The following ZNF775 variants were observed in gnomAD, a reference collection of about 807,000 sequenced individuals.
ZNF775 encodes zinc finger protein 775.
A neutral mutation model predicts 2.4 loss-of-function variants in ZNF775; 1 was observed. That is an observed-to-expected ratio of 0.41 (90% CI 0.15 to 1.94). The LOEUF is 1.94. Ranked by LOEUF, ZNF775 falls within the 30% of genes most tolerant of loss-of-function variation. ZNF775 has a pLI of 0.30. For missense variants in ZNF775, 823 were observed against 826.6 expected (o/e 1.00, Z 0.05); for synonymous variants, 381 against 373.3 (o/e 1.02, Z -0.24).
At chr7:150,392,869 G>A (rs1800583812) in intron 2 of ZNF775, among the ~76,000 whole-genome samples, 1 of 152,174 alleles carries the variant, frequency 6.6e-6, no homozygotes, top group Non-Finnish European at 1.5e-5. Context: ...TAGCTTTACA[G>A]AAAAATTGTG....
At chr7:150,387,010 G>A (rs559167022) in intron 1 of ZNF775, among the ~76,000 whole-genome samples, 2 of 152,092 alleles carry the variant, frequency 1.3e-5, no homozygotes, top group Non-Finnish European at 2.9e-5. Flanking sequence ...AAATAGGAGC[G>A]CCAGGGGCCA....
chr7:150,395,976 C>A (rs773380741), intron 2 of ZNF775, among the ~76,000 whole-genome samples: 55 of 152,138 alleles, frequency 3.6e-4, no homozygotes, highest in Non-Finnish European at 5.9e-4. Context: ...ATAGACGGTG[C>A]TGCAGTGACC....
In ZNF775 at chr7:150,396,814, C is replaced by T. The variant is rs754587438; in HGVS notation, c.333C>T (p.Asp111=). ...SSGEGHFVCL[D]CGKRFSWWSS... ...GCGAGGGTCACTTTGTATGCCTGGA[C>T]TGCGGGAAGAGGTTCAGCTGGTGGT... The change falls in exon 3 of 3, where the codon GAC becomes GAT. Residue 111 remains aspartate, a synonymous_variant. Coordinates refer to ENST00000329630, the MANE Select transcript of ZNF775 (RefSeq NM_173680.4). 86 of 1,600,750 alleles carry T rather than the reference C, an allele frequency of 5.4e-5. No individual in the cohort carries two copies. Among genetic ancestry groups the T allele is most frequent in the Non-Finnish European group, 7.1e-5 (84 of 1,177,058 alleles).
At chr7:150,389,578 CT>C (rs1563258301) in intron 2 of ZNF775, among the ~76,000 whole-genome samples, 1 of 152,200 alleles carries the variant, frequency 6.6e-6, no homozygotes, top group Non-Finnish European at 1.5e-5. Flanking sequence ...ATAGAAGGCC[CT>C]TTCCCCAGAT....
Position 150,388,280 on chromosome 7 carries a change from C to T in ZNF775, c.-49-142C>T, listed in dbSNP as rs1800489938. 9.6e-6 allele frequency: 6 copies of T among 623,734 alleles called. No homozygotes were observed. The East Asian group carries it at 1.7e-4, about 17-fold the overall frequency. The allele number at this position is 623,734 out of a possible 1,614,324, so 38.6% of individuals were successfully genotyped here. Reference sequence around the variant, plus strand: ...AGGTATGCTTACAATGAAAGAACCCCTGCCCATGTCGAATGTGGCTATGGA... The same window carrying T: ...AGGTATGCTTACAATGAAAGAACCCTTGCCCATGTCGAATGTGGCTATGGA... On this transcript the variant is annotated intron_variant, in intron 1 of 2. Transcript: ENST00000329630.
Position 150,397,327 on chromosome 7 carries a change from C to T in ZNF775, c.846C>T (p.Ile282=), listed in dbSNP as rs749786405. 1.9e-6 allele frequency: 3 copies of T among 1,591,116 alleles called. No homozygotes were observed. The highest frequency in any genetic ancestry group is 2.6e-6 in the Non-Finnish European group (3 of 1,172,762). ...GGCCGGGCGAGCCGCGCCAGTTCAT[C>T]TGCAACGAGTGTGGCAAGAGCTTCA... ...PEGPGEPRQF[I]CNECGKSFTW... is the part of the protein sequence containing the mutation. The change falls in exon 3 of 3, where the codon ATC becomes ATT. Residue 282 remains isoleucine, a synonymous_variant. Transcript: ENST00000329630.
Position 150,398,483 on chromosome 7 carries a change from C to CG in ZNF775, c.*393dup, listed in dbSNP as rs1346650212. 3.3e-5 allele frequency: 7 copies of CG among 211,860 alleles called. No homozygotes were observed. The East Asian group carries it at 8.0e-4, about 24-fold the overall frequency. 13.1% of individuals were successfully genotyped at this position (211,860 alleles called of 1,614,324 possible). ...GGTCCTGCCCACGCTTCAGGATGGC[C>CG]GGGGGCTGCCCCTGTGGGAGAGTTG... On this transcript the variant is annotated 3_prime_UTR_variant, in exon 3 of 3. Coordinates refer to ENST00000329630, the MANE Select transcript of ZNF775 (RefSeq NM_173680.4).
rs536623472 is a variant in ZNF775 at position 150,386,172 on chromosome 7, G to C, written c.-49-2250G>C. ...GCTTGTCTCAAACTCCTGACCTCAG[G>C]TGATCTACCCACCTCAGCCTTCCAA... On this transcript the variant is annotated intron_variant, in intron 1 of 2. Coordinates refer to ENST00000329630, the MANE Select transcript of ZNF775 (RefSeq NM_173680.4). Among the ~76,000 whole-genome samples the C allele has an allele frequency of 5.9e-5, 9 of 152,254 alleles. No homozygotes were observed. In the South Asian group the frequency reaches 1.9e-3, roughly 32 times the overall value.
chr7:150,382,990 C>T lies in ZNF775; in HGVS notation c.-50+3598C>T, dbSNP rs1037536683. Among the ~76,000 whole-genome samples, 4 of 152,114 alleles carry T rather than the reference C, an allele frequency of 2.6e-5. No individual in the cohort carries two copies. The highest frequency in any genetic ancestry group is 4.4e-5 in the Non-Finnish European group (3 of 68,006). On this transcript the variant is annotated intron_variant, in intron 1 of 2. Transcript: ENST00000329630. This position sits in a 1 kb window ranked among gnomAD's most constrained non-coding sequence, Gnocchi z 4.6. ...CGTGCTGCCCTGGTTCACAGTGGCA[C>T]GTTTGTGTGTCTGTGGATCTGTAGG... is the stretch of plus-strand genomic sequence containing the variant.
Position 150,397,061 on chromosome 7 carries a change from C to T in ZNF775, c.580C>T (p.Pro194Ser), listed in dbSNP as rs544005184. Residue 194 changes from proline (P) to serine (S), a missense_variant, in exon 3 of 3, where the codon CCC becomes TCC. Transcript: ENST00000329630. ...THSRPATHSC[P>S]ECERCFRHQV... ...CTCCCGGCCCGCCACCCACTCGTGC[C>T]CCGAGTGCGAGCGCTGCTTCCGTCA... The T allele has an allele frequency of 3.4e-5, 54 of 1,593,334 alleles. No individual in the cohort carries two copies. In the East Asian group the frequency reaches 9.9e-4, roughly 29 times the overall value.
intron 1 of ZNF775, among the ~76,000 whole-genome samples, chr7:150,387,622 G>C (rs886130320): frequency 2.4e-4 from 36 of 152,146 alleles, no homozygotes; most frequent in African/African-American, 8.2e-4. Flanking sequence ...GACCATCCTG[G>C]CTAACACGGT....
chr7:150,394,231 C>A (rs997031561), intron 2 of ZNF775, among the ~76,000 whole-genome samples: 2 of 152,040 alleles, frequency 1.3e-5, no homozygotes, highest in Admixed American at 1.3e-4. Context: ...TAATAGTTTT[C>A]TTTGTATATG....
At chr7:150,396,320 T>C (rs2116476265) in intron 2 of ZNF775, among the ~76,000 whole-genome samples, 193 bp from the exon 3 acceptor site, 1 of 152,280 alleles carries the variant, frequency 6.6e-6, no homozygotes, top group East Asian at 1.9e-4. Context: ...CCTTCCCGAC[T>C]CTTTTTTCTT....
chr7:150,384,179 C>T lies in ZNF775; in HGVS notation c.-49-4243C>T, dbSNP rs1800412995. On this transcript the variant is annotated intron_variant, in intron 1 of 2. Coordinates refer to ENST00000329630, the MANE Select transcript of ZNF775 (RefSeq NM_173680.4). The surrounding 1 kb of genome is among the most constrained non-coding windows in gnomAD (Gnocchi z 4.1). ...CAGGGCCAGGCGTGGGAAGGGGGCC[C>T]CTGTGTGTCCTGCTCCCCTCAGAGC... Among the ~76,000 whole-genome samples, 1 of 152,192 alleles carries T rather than the reference C, an allele frequency of 6.6e-6. No homozygotes were observed. Among genetic ancestry groups the T allele is most frequent in the Non-Finnish European group, 1.5e-5 (1 of 68,022 alleles).
At position 150,398,065 on chromosome 7, in the gene ZNF775, T is replaced by A. The variant is rs756202320; in HGVS notation, c.1584T>A (p.Pro528=). The A allele has an allele frequency of 6.4e-7, 1 of 1,562,046 alleles. No homozygotes were observed. Among genetic ancestry groups the A allele is most frequent in the Admixed American group, 1.8e-5 (1 of 54,144 alleles). Residue 528 remains proline (P), a synonymous_variant, in exon 3 of 3, where the codon CCT becomes CCA. Coordinates refer to ENST00000329630, the MANE Select transcript of ZNF775 (RefSeq NM_173680.4). ...LKHQRVHRAA[P]ACSPKEEAR is the part of the protein sequence containing the mutation. ...ACCAGCGCGTGCACCGCGCGGCCCCTGCGTGCAGCCCCAAGGAGGAGGCGC... is the reference window on the plus strand; with the variant it reads ...ACCAGCGCGTGCACCGCGCGGCCCCAGCGTGCAGCCCCAAGGAGGAGGCGC...
intron 1 of ZNF775, among the ~76,000 whole-genome samples, chr7:150,385,020 C>T (rs773263904): frequency 7.9e-5 from 12 of 152,204 alleles, no homozygotes; most frequent in Non-Finnish European, 1.6e-4. Flanking sequence ...TGTCCACTAG[C>T]CCCTCTGCGC....
intron 2 of ZNF775, among the ~76,000 whole-genome samples, chr7:150,392,939 T>C: frequency 6.6e-6 from 1 of 152,226 alleles, no homozygotes; most frequent in East Asian, 1.9e-4. Flanking sequence ...ACATTTTGCA[T>C]TCATATGGTA....
In ZNF775 at chr7:150,397,494, C is replaced by A; in HGVS notation, c.1013C>A (p.Pro338His). The A allele has an allele frequency of 6.3e-7, 1 of 1,582,344 alleles. No individual in the cohort carries two copies. The highest frequency in any genetic ancestry group is 2.3e-5 in the East Asian group (1 of 43,810). Residue 338 changes from proline to histidine, a missense_variant, in exon 3 of 3, where the codon CCC (proline) becomes CAC (histidine). Physicochemically the swap from Pro to His is moderately conservative, Grantham distance 77. Transcript: ENST00000329630. The stretch of plus-strand genomic sequence containing the variant: ...AACCACACAGGCGAGCGCCCGCACC[C>A]CTGCCCGCACTGTGGCCGCGGCTTC... ...LRNHTGERPHPCPHCGRGFRQ... is the reference protein window; with the variant it reads ...LRNHTGERPHHCPHCGRGFRQ...
chr7:150,391,966 G>A (rs373797492), intron 2 of ZNF775, among the ~76,000 whole-genome samples: 18 of 152,018 alleles, frequency 1.2e-4, no homozygotes, highest in African/African-American at 4.1e-4. Flanking sequence ...CTCCCGCCTC[G>A]GCCTCCCAAA....
Sources: allele counts gnomAD v4.1 joint callset (sites outside exome capture counted in the v4.1 genomes callset), GRCh38; gene constraint gnomAD v4.1.1; non-coding constraint Gnocchi (gnomAD v3.1); transcripts MANE v1.5; gene names NCBI Gene and HGNC (gene_info 2026-07-23, HGNC 2026-07-21).